Variants in FOXP1 observed in about 807,000 individuals in gnomAD.
The protein encoded by FOXP1 is forkhead box protein P1.
A neutral mutation model predicts 98.2 loss-of-function variants in FOXP1; 15 were observed. That is an observed-to-expected ratio of 0.15 (90% confidence interval 0.10 to 0.24). FOXP1 has a LOEUF of 0.24. Ranked by LOEUF, FOXP1 falls within the 10% of genes least tolerant of loss-of-function variation. The pLI is 1.00. For missense variants in FOXP1, 633 were observed against 848.5 expected, an observed-to-expected ratio of 0.75 and a Z score of 3.15; for synonymous variants, 371 against 314.5, an observed-to-expected ratio of 1.18 and a Z score of -1.90.
intron 3 of FOXP1, among the ~76,000 whole-genome samples, chr3:71,366,957 G>A (rs2078968568): frequency 1.3e-5 from 2 of 152,202 alleles, no homozygotes; most frequent in South Asian, 4.1e-4. Flanking sequence ...TAAATTGCTT[G>A]ATGTAAAATT....
At chr3:71,484,217 A>G (rs559098980) in intron 3 of FOXP1, among the ~76,000 whole-genome samples, 1 of 152,352 alleles carries the variant, frequency 6.6e-6, no homozygotes, top group Non-Finnish European at 1.5e-5. Context: ...TAATGGCTCC[A>G]AAGGAGACAG....
intron 13 of FOXP1, among the ~76,000 whole-genome samples, chr3:70,995,409 C>A (rs1282587543): frequency 6.6e-6 from 1 of 152,164 alleles, no homozygotes; most frequent in Non-Finnish European, 1.5e-5. Flanking sequence ...ATTATGTATA[C>A]TGATTATGGG....
intron 4 of FOXP1, chr3:71,333,803 G>A (rs1228690180): frequency 6.6e-6 from 1 of 151,866 alleles, no homozygotes; most frequent in Non-Finnish European, 1.5e-5. Flanking sequence ...CAGCCTGAAT[G>A]ACAGAGTGAG....
intron 3 of FOXP1, among the ~76,000 whole-genome samples, chr3:71,363,606 A>G (rs1407529513): frequency 6.6e-6 from 1 of 152,222 alleles, no homozygotes; most frequent in Non-Finnish European, 1.5e-5. Context: ...GACTTGTTGG[A>G]GACAGGTTCT....
At chr3:71,433,538 T>C (rs190117092) in intron 3 of FOXP1, among the ~76,000 whole-genome samples, 13 of 152,278 alleles carry the variant, frequency 8.5e-5, no homozygotes. Context: ...GGGGAGACTT[T>C]GAATAATCTC....
At chr3:71,456,500 A>G (rs1403021108) in intron 3 of FOXP1, among the ~76,000 whole-genome samples, 1 of 152,202 alleles carries the variant, frequency 6.6e-6, no homozygotes, top group African/African-American at 2.4e-5. Context: ...TTTGTTTTAC[A>G]TGTTCCCCTT....
chr3:71,406,405 G>GTATGTGTGTATATATATATATATATATA (rs2082336447), intron 3 of FOXP1, among the ~76,000 whole-genome samples: 1 of 105,948 alleles, frequency 9.4e-6, no homozygotes, highest in Admixed American at 9.4e-5. Context: ...AACTGTATGT[G>GTATGTGTGTATATATATATATATATATA]TATATATATA....
intron 7 of FOXP1, among the ~76,000 whole-genome samples, chr3:71,065,186 G>C (rs2107338958): frequency 6.6e-6 from 1 of 151,498 alleles, no homozygotes; most frequent in East Asian, 2.0e-4. Context: ...TGTTAACCCG[G>C]TGACCCGCCT....
intron 2 of FOXP1, among the ~76,000 whole-genome samples, chr3:71,497,917 C>T (rs1043429448): frequency 1.1e-4 from 17 of 152,164 alleles, no homozygotes; most frequent in African/African-American, 3.6e-4. Flanking sequence ...CCGAGAAGTG[C>T]TGAAACATTA....
At chr3:71,278,957 C>T (rs1203656914) in intron 5 of FOXP1, among the ~76,000 whole-genome samples, 4 of 151,788 alleles carry the variant, frequency 2.6e-5, no homozygotes, top group African/African-American at 9.7e-5. Flanking sequence ...TTTGGGAGGC[C>T]GAGGCGGGTG....
chr3:71,419,703 GGT>G lies in FOXP1; in HGVS notation c.-167-60461_-167-60460del, dbSNP rs369915008. Reference sequence around the variant, plus strand: ...CCCAAAGTGTGCTGCAAGTACCCCGGGTGGTAAGTGGGATGGTTTTAGGTGGC... The same window carrying G: ...CCCAAAGTGTGCTGCAAGTACCCCGGGGTAAGTGGGATGGTTTTAGGTGGC... On this transcript the variant is annotated intron_variant, in intron 3 of 20. Transcript: ENST00000649528. 5.0e-3 allele frequency among the ~76,000 whole-genome samples: 762 copies of G among 152,234 alleles called. 8 individuals carry two copies. Among genetic ancestry groups the G allele is most frequent in the African/African-American group, 0.017 (705 of 41,538 alleles).
intron 3 of FOXP1, among the ~76,000 whole-genome samples, chr3:71,377,128 G>A (rs116169990): frequency 6.6e-5 from 10 of 152,182 alleles, no homozygotes; most frequent in Admixed American, 2.0e-4. Context: ...AGAGTTCAGC[G>A]GGCCACAGAC....
Position 71,307,966 on chromosome 3 carries a change from G to A in FOXP1, c.-72-8086C>T, listed in dbSNP as rs183956621. Among the ~76,000 whole-genome samples, 205 of 152,290 alleles carry A rather than the reference G, an allele frequency of 1.3e-3. 1 individual carries two copies. Among genetic ancestry groups the A allele is most frequent in the Non-Finnish European group, 2.1e-3 (142 of 68,032 alleles). On this transcript the variant is annotated intron_variant, in intron 4 of 20. Coordinates refer to ENST00000649528, the MANE Select transcript of FOXP1 (RefSeq NM_001349338.3). ...TCCAGGTAAGGGATCCATGCATTGCGGCCCAGCTAAGCTCCTTGCTGAAAG... is the reference window on the plus strand; with the variant it reads ...TCCAGGTAAGGGATCCATGCATTGCAGCCCAGCTAAGCTCCTTGCTGAAAG...
intron 5 of FOXP1, among the ~76,000 whole-genome samples, chr3:71,251,380 G>C (rs992506439): frequency 6.6e-6 from 1 of 152,220 alleles, no homozygotes; most frequent in Admixed American, 6.5e-5. Context: ...TTCAGGTGAA[G>C]CTTTCCACTG....
At chr3:71,297,438 T>A (rs2107540181) in intron 5 of FOXP1, among the ~76,000 whole-genome samples, 1 of 149,858 alleles carries the variant, frequency 6.7e-6, no homozygotes, top group Non-Finnish European at 1.5e-5. Context: ...AGAACGGACA[T>A]TATAAAGATA....
chr3:71,266,614 G>A (rs2107244308), intron 5 of FOXP1, among the ~76,000 whole-genome samples: 1 of 152,244 alleles, frequency 6.6e-6, no homozygotes, highest in Non-Finnish European at 1.5e-5. Context: ...CAGGGTATAT[G>A]TACAGGTTTG....
intron 2 of FOXP1, among the ~76,000 whole-genome samples, chr3:71,557,466 C>T (rs2046225580): frequency 6.6e-6 from 1 of 151,938 alleles, no homozygotes; most frequent in Non-Finnish European, 1.5e-5. Flanking sequence ...AAATGTCCTC[C>T]AAAACTCCTT....
intron 5 of FOXP1, among the ~76,000 whole-genome samples, chr3:71,217,975 T>C (rs2065069054): frequency 6.6e-6 from 1 of 152,146 alleles, no homozygotes; most frequent in African/African-American, 2.4e-5. Context: ...TACACTTCAT[T>C]GTGTCGACAT....
At chr3:71,529,959 G>C (rs961634694) in intron 2 of FOXP1, among the ~76,000 whole-genome samples, 7 of 152,110 alleles carry the variant, frequency 4.6e-5, no homozygotes, top group African/African-American at 1.7e-4. Context: ...CTAGCCGGTG[G>C]GTCAGAAGCA....
Sources: allele counts gnomAD v4.1 joint callset (sites outside exome capture counted in the v4.1 genomes callset), GRCh38; gene constraint gnomAD v4.1.1; transcripts MANE v1.5; gene names NCBI Gene and HGNC (gene_info 2026-07-23, HGNC 2026-07-21).